The following BCL2 variants were observed in gnomAD, a reference collection of about 807,000 sequenced individuals.
The protein encoded by BCL2 is BCL2 apoptosis regulator, also known as apoptosis regulator Bcl-2.
BCL2 carries 1 observed loss-of-function variant against 14.2 expected under a neutral mutation model. The ratio of observed to expected loss-of-function variants is 0.07; its 90% CI spans 0.02 to 0.33. The LOEUF (loss-of-function observed/expected upper bound fraction) is 0.33. BCL2 is among the 10% of genes least tolerant of loss of function. The pLI is 0.99. For missense variants in BCL2, 247 were observed against 305.9 expected, an observed-to-expected ratio of 0.81 and a Z score of 1.44; for synonymous variants, 151 against 137.2, an observed-to-expected ratio of 1.10 and a Z score of -0.70.
chr18:63,162,091 C>A (rs1269539395), intron 2 of BCL2, among the ~76,000 whole-genome samples: 1 of 152,110 alleles, frequency 6.6e-6, no homozygotes, highest in Admixed American at 6.5e-5. Flanking sequence ...CAGGGACTGC[C>A]CGCTCCGCAC....
chr18:63,269,813 G>A (rs1209077216), intron 2 of BCL2, among the ~76,000 whole-genome samples: 3 of 152,154 alleles, frequency 2.0e-5, no homozygotes, highest in African/African-American at 7.2e-5. Context: ...ATCACATGAA[G>A]GAGAATGTTA....
chr18:63,169,974 C>T (rs1455640172), intron 2 of BCL2, among the ~76,000 whole-genome samples: 1 of 152,130 alleles, frequency 6.6e-6, no homozygotes, highest in Non-Finnish European at 1.5e-5. Context: ...CAAGCAAACT[C>T]ATGTCATCAA....
intron 2 of BCL2, among the ~76,000 whole-genome samples, chr18:63,169,032 C>T (rs1915117017): frequency 6.6e-6 from 1 of 152,228 alleles, no homozygotes; most frequent in Admixed American, 6.5e-5. Flanking sequence ...GGCAAAATTC[C>T]CAGCCTCTGG....
chr18:63,145,016 A>G (rs1914471043), intron 2 of BCL2, among the ~76,000 whole-genome samples: 2 of 152,336 alleles, frequency 1.3e-5, no homozygotes, highest in African/African-American at 4.8e-5. Context: ...ATGTTGTATG[A>G]TATAGACTCA....
chr18:63,303,781 C>T (rs1913036995), intron 2 of BCL2, among the ~76,000 whole-genome samples: 1 of 152,160 alleles, frequency 6.6e-6, no homozygotes, highest in Non-Finnish European at 1.5e-5. Flanking sequence ...CTTCCTTCCT[C>T]CTGACTTTCG....
chr18:63,127,800 G>C lies in BCL2; in HGVS notation c.*825C>G, dbSNP rs1913950051. 2 of 225,858 alleles carry C rather than the reference G, an allele frequency of 8.9e-6. No homozygotes were observed. The highest frequency in any genetic ancestry group is 4.5e-5 in the African/African-American group (2 of 44,852). 14.0% of individuals were successfully genotyped at this position (225,858 alleles called of 1,614,324 possible). ...CAGACAGAGCCAGTATTGGGAGTTG[G>C]GGGGTGCGTATCCAAAATATATGAA... is the stretch of plus-strand genomic sequence containing the variant. On this transcript the variant is annotated 3_prime_UTR_variant, in exon 3 of 3. Transcript: ENST00000333681.
rs1913897792 is a variant in BCL2 at position 63,125,852 on chromosome 18, C to T, written c.*2773G>A. 4.6e-6 allele frequency: 1 copy of T among 216,844 alleles called. No individual in the cohort carries two copies. Among genetic ancestry groups the T allele is most frequent in the Non-Finnish European group, 9.3e-6 (1 of 107,552 alleles). 13.4% of individuals were successfully genotyped at this position (216,844 alleles called of 1,614,324 possible). On this transcript the variant is annotated 3_prime_UTR_variant, in exon 3 of 3. Coordinates refer to ENST00000333681, the MANE Select transcript of BCL2 (RefSeq NM_000633.3). ...CTGGGCACATTTACTGTTATTAAAA[C>T]CAGGTAACAAAACCCCACAGCAAAA...
intron 2 of BCL2, among the ~76,000 whole-genome samples, chr18:63,133,720 C>T (rs1914133951): frequency 6.6e-6 from 1 of 152,050 alleles, no homozygotes; most frequent in Non-Finnish European, 1.5e-5. Context: ...GGGCGGGGGT[C>T]CCAAAATAAC....
At chr18:63,271,374 G>A (rs776066416) in intron 2 of BCL2, among the ~76,000 whole-genome samples, 15 of 152,166 alleles carry the variant, frequency 9.9e-5, no homozygotes, top group Non-Finnish European at 1.6e-4. Flanking sequence ...TTAACACCGA[G>A]TAACATTGTG....
At chr18:63,174,673 AGCCGG>A (rs767987816) in intron 2 of BCL2, among the ~76,000 whole-genome samples, 1 of 151,982 alleles carries the variant, frequency 6.6e-6, no homozygotes, top group African/African-American at 2.4e-5. Context: ...TACCAAAACT[AGCCGG>A]GCGTAGTGGC....
intron 2 of BCL2, among the ~76,000 whole-genome samples, chr18:63,298,332 A>T (rs1045889479): frequency 2.6e-5 from 4 of 152,228 alleles, no homozygotes; most frequent in Non-Finnish European, 5.9e-5. Context: ...ATTCTGGCCC[A>T]TGGGCCATCT....
At chr18:63,185,081 AGAGG>A (rs1301628714) in intron 2 of BCL2, among the ~76,000 whole-genome samples, 21 of 152,340 alleles carry the variant, frequency 1.4e-4, no homozygotes, top group Admixed American at 5.2e-4. Flanking sequence ...AAGGCTAACC[AGAGG>A]GAGTTATGAG....
chr18:63,318,768 A>G lies in BCL2; in HGVS notation c.-102T>C. The G allele has an allele frequency of 6.5e-7, 1 of 1,536,884 alleles. No homozygotes were observed. Among genetic ancestry groups the G allele is most frequent in the Non-Finnish European group, 8.7e-7 (1 of 1,144,462 alleles). ...AGAGGAGTTATAATCCAGCTATTTT[A>G]TTGGATGTGCTTTGCATTCTTGGAC... is the stretch of plus-strand genomic sequence containing the variant. On this transcript the variant is annotated 5_prime_UTR_variant, in exon 2 of 3. An upstream open reading frame in the 5' UTR loses its in-frame stop. Transcript: ENST00000333681. The surrounding 1 kb of genome is among the most constrained non-coding windows in gnomAD (Gnocchi z 7.4).
chr18:63,308,135 G>C (rs1042959834), intron 2 of BCL2, among the ~76,000 whole-genome samples: 2 of 152,170 alleles, frequency 1.3e-5, no homozygotes, highest in African/African-American at 4.8e-5. Context: ...CCAGGCCAAT[G>C]GTTTTATGTA....
chr18:63,208,811 TGGGTTGG>T (rs964911408), intron 2 of BCL2, among the ~76,000 whole-genome samples: 12 of 152,182 alleles, frequency 7.9e-5, no homozygotes, highest in Admixed American at 5.9e-4. Context: ...TAGGCAGCTC[TGGGTTGG>T]GGGTTGGGAG....
rs1568222517 is a variant in BCL2 at position 63,169,322 on chromosome 18, T to TTCCTTC, written c.586-40564_586-40563insGAAGGA. ...TTTCTTTCTTTCTTCCTTCCTTCCT[T>TTCCTTC]CTTTCCTTTCCTTCCTTTCTTTCTT... On this transcript the variant is annotated intron_variant, in intron 2 of 2. Transcript: ENST00000333681. Among the ~76,000 whole-genome samples the TTCCTTC allele has an allele frequency of 1.9e-3, 205 of 105,474 alleles. 5 individuals carry two copies. The highest frequency in any genetic ancestry group is 3.9e-3 in the South Asian group (11 of 2,786). 69.2% of individuals were successfully genotyped at this position (105,474 alleles called of 152,430 possible). A position where few individuals can be genotyped will look rare whatever the true frequency, so the allele number is the denominator to read the frequency against.
chr18:63,255,666 C>G (rs79208923), intron 2 of BCL2, among the ~76,000 whole-genome samples: 3,715 of 152,246 alleles, frequency 0.024, 63 homozygotes, highest in Non-Finnish European at 0.038. Flanking sequence ...TAACCTCAGT[C>G]TGTCTTGAAT....
chr18:63,273,620 G>A (rs1912064192), intron 2 of BCL2, among the ~76,000 whole-genome samples: 1 of 152,128 alleles, frequency 6.6e-6, no homozygotes, highest in South Asian at 2.1e-4. Flanking sequence ...GAACTCTTTG[G>A]ACCTCATTTT....
At position 63,319,384 on chromosome 18, in the gene BCL2, C is replaced by T; in HGVS notation, c.-497G>A. 4.4e-6 allele frequency: 1 copy of T among 227,940 alleles called. No homozygotes were observed. Among genetic ancestry groups the T allele is most frequent in the Non-Finnish European group, 8.7e-6 (1 of 114,826 alleles). 14.1% of individuals were successfully genotyped at this position (227,940 alleles called of 1,614,324 possible). ...CCAGACTTCTGCTTCACAGAAATGT[C>T]AATCCGCAGGAATCCCAACCGGAGA... On this transcript the variant is annotated 5_prime_UTR_variant, in exon 1 of 3. Coordinates refer to ENST00000333681, the MANE Select transcript of BCL2 (RefSeq NM_000633.3).
Sources: gnomAD v4.1 joint callset for allele counts (sites outside exome capture counted in the v4.1 genomes callset) on GRCh38, gnomAD v4.1.1 for gene constraint, Gnocchi (gnomAD v3.1) non-coding constraint, MANE v1.5 for transcripts, NCBI Gene and HGNC (gene_info 2026-07-23, HGNC 2026-07-21) for gene names.